The following ZDHHC21 variants were observed in gnomAD, a reference collection of about 807,000 sequenced individuals.
ZDHHC21 encodes the protein palmitoyltransferase ZDHHC21.
In ZDHHC21, 15 loss-of-function variants were observed where a neutral mutation model predicts 34.6. The ratio of observed to expected loss-of-function variants is 0.43; its 90% CI spans 0.29 to 0.67. ZDHHC21 has a LOEUF of 0.67. Among genes scored for constraint, ZDHHC21 ranks in the 30% least tolerant of loss-of-function variants. The pLI, the probability that ZDHHC21 is intolerant of heterozygous loss-of-function variation, is 0.14. For missense variants in ZDHHC21, 344 were observed against 327.7 expected, an observed-to-expected ratio of 1.05 and a Z score of -0.38; for synonymous variants, 142 against 101.8, an observed-to-expected ratio of 1.40 and a Z score of -2.38.
At chr9:14,610,973 T>C (rs1223060055), downstream of ZDHHC21, 3 of 151,996 alleles carry the variant, frequency 2.0e-5, no homozygotes, top group Non-Finnish European at 2.9e-5. Context: ...CCACATTGTA[T>C]AAAATTTTTA....
chr9:14,621,067 G>C (rs1473872683), intron 8 of ZDHHC21, among the ~76,000 whole-genome samples: 1 of 151,954 alleles, frequency 6.6e-6, no homozygotes, highest in Non-Finnish European at 1.5e-5. Context: ...ATCTGTAAAG[G>C]AAGTAAGTCA....
intron 7 of ZDHHC21, among the ~76,000 whole-genome samples, chr9:14,645,011 G>A (rs1386642410): frequency 6.6e-6 from 1 of 152,068 alleles, no homozygotes; most frequent in Non-Finnish European, 1.5e-5. Context: ...TCCCAAGTGG[G>A]AGAAAACTGG....
In ZDHHC21 at chr9:14,672,753, T is replaced by C. The variant is rs552103208; in HGVS notation, c.253+77A>G. 1.5e-5 allele frequency: 14 copies of C among 960,040 alleles called. No homozygotes were observed. In the South Asian group the frequency reaches 1.6e-4, roughly 11 times the overall value. 59.5% of individuals were successfully genotyped at this position (960,040 alleles called of 1,614,324 possible). A position where few individuals can be genotyped will look rare whatever the true frequency, so the allele number is the denominator to read the frequency against. On this transcript the variant is annotated intron_variant, in intron 5 of 9. Coordinates refer to ENST00000380916, the MANE Select transcript of ZDHHC21 (RefSeq NM_178566.6). ...TTAGATGACATTTATAACCAATATA[T>C]ATTAAAGGCAATAAAATATGTAAAT... is the stretch of plus-strand genomic sequence containing the variant.
chr9:14,603,720 A>T, the ZDHHC21 span, among the ~76,000 whole-genome samples: 1 of 152,160 alleles, frequency 6.6e-6, no homozygotes, highest in Non-Finnish European at 1.5e-5. Context: ...GGACTTTACA[A>T]ATTTATCTAC....
Position 14,614,767 on chromosome 9 carries a change from ACTT to A in ZDHHC21, c.*4196_*4198del, listed in dbSNP as rs1324200150. Reference sequence around the variant, plus strand: ...TGGCTTATTTGCTACACTTACCAATACTTATATTTTTAAAGCAGTAGTAGAGTT... The same window carrying A: ...TGGCTTATTTGCTACACTTACCAATAATATTTTTAAAGCAGTAGTAGAGTT... On this transcript the variant is annotated 3_prime_UTR_variant, in exon 10 of 10. Transcript: ENST00000380916. 1 of 151,748 alleles carries A rather than the reference ACTT, an allele frequency of 6.6e-6. No individual in the cohort carries two copies. The highest frequency in any genetic ancestry group is 6.6e-5 in the Admixed American group (1 of 15,186). 9.4% of individuals were successfully genotyped at this position (151,748 alleles called of 1,614,324 possible). A position where few individuals can be genotyped will look rare whatever the true frequency, so the allele number is the denominator to read the frequency against.
the ZDHHC21 span, among the ~76,000 whole-genome samples, chr9:14,605,057 G>C: frequency 6.6e-6 from 1 of 152,212 alleles, no homozygotes; most frequent in Admixed American, 6.5e-5. Context: ...TTCTATGGCT[G>C]AATAACATTC....
At chr9:14,607,761 C>T (rs998861459), downstream of ZDHHC21, among the ~76,000 whole-genome samples, 1 of 152,080 alleles carries the variant, frequency 6.6e-6, no homozygotes, top group Non-Finnish European at 1.5e-5. Flanking sequence ...TTTAAAACAG[C>T]GTTCACCTCT....
At chr9:14,679,923 TA>T (rs1837079673) in intron 3 of ZDHHC21, 109 bp downstream of exon 3, 1 of 152,454 alleles carries the variant, frequency 6.6e-6, no homozygotes, top group South Asian at 2.1e-4. Flanking sequence ...AAACATAAAG[TA>T]ACTACATTTG....
intron 8 of ZDHHC21, chr9:14,622,683 T>C (rs1825508397): frequency 3.0e-6 from 3 of 985,164 alleles, no homozygotes; most frequent in Non-Finnish European, 3.6e-6. Flanking sequence ...GAAGAGTCCT[T>C]TGGCACACCT....
At chr9:14,652,352 T>C (rs1001436817) in intron 7 of ZDHHC21, among the ~76,000 whole-genome samples, 1 of 151,854 alleles carries the variant, frequency 6.6e-6, no homozygotes, top group African/African-American at 2.4e-5. Flanking sequence ...AATCCTAAAT[T>C]TGGGCATTGA....
At chr9:14,626,359 T>C (rs1405963988) in intron 8 of ZDHHC21, among the ~76,000 whole-genome samples, 8 of 151,980 alleles carry the variant, frequency 5.3e-5, no homozygotes, top group Admixed American at 5.2e-4. Flanking sequence ...AATGAATATC[T>C]AGGAAAAATT....
intron 8 of ZDHHC21, among the ~76,000 whole-genome samples, chr9:14,630,521 G>C (rs563031404): frequency 1.3e-5 from 2 of 152,102 alleles, no homozygotes; most frequent in Non-Finnish European, 2.9e-5. Flanking sequence ...TGTTATTTTG[G>C]TCCCCTCCCA....
At chr9:14,682,435 G>C (rs185179964) in intron 2 of ZDHHC21, among the ~76,000 whole-genome samples, 71 of 152,192 alleles carry the variant, frequency 4.7e-4, no homozygotes, top group Admixed American at 4.6e-3. Flanking sequence ...CATCAAAACA[G>C]ACAAAGAAGG....
At chr9:14,607,476 C>A (rs1225635106), downstream of ZDHHC21, among the ~76,000 whole-genome samples, 1 of 151,730 alleles carries the variant, frequency 6.6e-6, no homozygotes, top group Non-Finnish European at 1.5e-5. Context: ...ATATATAACA[C>A]ATATGATAAT....
At chr9:14,683,099 G>C (rs896433295) in intron 2 of ZDHHC21, among the ~76,000 whole-genome samples, 3 of 152,016 alleles carry the variant, frequency 2.0e-5, no homozygotes, top group African/African-American at 4.8e-5. Flanking sequence ...ATCTAAAATT[G>C]ACACCCTAAC....
chr9:14,671,462 T>C (rs191827968), intron 5 of ZDHHC21, among the ~76,000 whole-genome samples: 18 of 152,222 alleles, frequency 1.2e-4, no homozygotes, highest in African/African-American at 4.3e-4. Context: ...TCAGTAAGTC[T>C]CTCACAGATC....
chr9:14,618,756 G>C lies in ZDHHC21; in HGVS notation c.*210C>G, dbSNP rs1824712710. On this transcript the variant is annotated 3_prime_UTR_variant, in exon 10 of 10. Transcript: ENST00000380916. ...ATCCCTGTGGAAAGCTAATTTGAAA[G>C]TAAACATGCTTTAAAACTTAAATAT... The C allele has an allele frequency of 2.3e-6, 1 of 432,848 alleles. No homozygotes were observed. Among genetic ancestry groups the C allele is most frequent in the East Asian group, 3.7e-5 (1 of 26,866 alleles). 26.8% of individuals were successfully genotyped at this position (432,848 alleles called of 1,614,324 possible). A position where few individuals can be genotyped will look rare whatever the true frequency, so the allele number is the denominator to read the frequency against.
rs139629645 is a variant in ZDHHC21, at chr9:14,635,025, A to G, written c.621+4871T>C. Among the ~76,000 whole-genome samples, 942 of 152,292 alleles carry G rather than the reference A, an allele frequency of 6.2e-3. 12 individuals are homozygous for G. Among genetic ancestry groups the G allele is most frequent in the African/African-American group, 0.021 (860 of 41,572 alleles). ...AACCAAACAAACTGAAGAATTCATT[A>G]AATGAAATACAAAATACATTTCAAA... is the stretch of plus-strand genomic sequence containing the variant. On this transcript the variant is annotated intron_variant, in intron 8 of 9. Transcript: ENST00000380916.
In ZDHHC21 at chr9:14,614,807, T is replaced by C. The variant is rs1338506464; in HGVS notation, c.*4159A>G. 2 of 151,726 alleles carry C rather than the reference T, an allele frequency of 1.3e-5. No individual in the cohort carries two copies. The highest frequency in any genetic ancestry group is 4.8e-5 in the African/African-American group (2 of 41,408). The allele number at this position is 151,726 out of a possible 1,614,324, so 9.4% of individuals were successfully genotyped here. The stretch of plus-strand genomic sequence containing the variant: ...GCAGTAGTAGAGTTGTGTGAAAATC[T>C]AATATTTGTATCTATTAGCAAACTA... On this transcript the variant is annotated 3_prime_UTR_variant, in exon 10 of 10. Coordinates refer to ENST00000380916, the MANE Select transcript of ZDHHC21 (RefSeq NM_178566.6).
Sources: allele counts gnomAD v4.1 joint callset (sites outside exome capture counted in the v4.1 genomes callset), GRCh38; gene constraint gnomAD v4.1.1; transcripts MANE v1.5; gene names NCBI Gene and HGNC (gene_info 2026-07-23, HGNC 2026-07-21).